The following HAP1 variants were observed in gnomAD, a reference collection of about 807,000 sequenced individuals.
HAP1 encodes huntingtin-associated protein 1.
HAP1 carries 59 observed loss-of-function variants against 60.3 expected under a neutral mutation model. The ratio of observed to expected loss-of-function variants is 0.98; its 90% CI spans 0.79 to 1.22. The LOEUF (loss-of-function observed/expected upper bound fraction) is 1.22, where lower values mean the gene tolerates loss of function less well. Ranked by LOEUF, HAP1 falls within the 50% of genes most tolerant of loss-of-function variation. The pLI, the probability that HAP1 is intolerant of heterozygous loss-of-function variation, is 0.00. For synonymous variants in HAP1, 346 were observed against 330.6 expected (o/e 1.05, Z -0.50); for missense variants, 825 against 785.3 (o/e 1.05, Z -0.60).
At chr17:41,718,208 A>C (rs1911059355), downstream of HAP1, 1 of 278,416 alleles carries the variant, frequency 3.6e-6, no homozygotes, top group African/African-American at 2.2e-5. Context: ...TTGGAAACTA[A>C]GCACGGTGGG....
intron 7 of HAP1, 110 bp downstream of exon 7, chr17:41,728,089 ACT>A: frequency 2.3e-6 from 3 of 1,286,732 alleles, no homozygotes; most frequent in Non-Finnish European, 3.3e-6. Flanking sequence ...GAGGTCTCTG[ACT>A]CTGACACAGA....
At chr17:41,725,708 G>A in intron 10 of HAP1, 151 bp downstream of exon 10, 1 of 679,738 alleles carries the variant, frequency 1.5e-6, no homozygotes, top group Non-Finnish European at 2.6e-6. Flanking sequence ...AGGAAAAGTG[G>A]GGCAGCTCCT....
At chr17:41,726,311 G>T (rs973363606) in intron 9 of HAP1, among the ~76,000 whole-genome samples, 1 of 151,978 alleles carries the variant, frequency 6.6e-6, no homozygotes, top group Non-Finnish European at 1.5e-5. Flanking sequence ...CTACTCAGGA[G>T]GCTGAGGTAG....
chr17:41,734,094 C>G, intron 1 of HAP1, 72 bp downstream of exon 1: 1 of 1,284,228 alleles, frequency 7.8e-7, no homozygotes, highest in Non-Finnish European at 1.1e-6. Flanking sequence ...GTGCCTGGAC[C>G]CGATGGGGCC....
chr17:41,724,601 T>G lies in HAP1; in HGVS notation c.*100A>C. On this transcript the variant is annotated 3_prime_UTR_variant, in exon 11 of 11. Coordinates refer to ENST00000347901, the MANE Select transcript of HAP1 (RefSeq NM_177977.3). ...GGTTCCCACTGAAGGGGATCAGAGG[T>G]GTCTATGCAAATGATATGCAAAGTC... The G allele has an allele frequency of 1.2e-6, 1 of 804,420 alleles. No homozygotes were observed. Among genetic ancestry groups the G allele is most frequent in the Non-Finnish European group, 2.0e-6 (1 of 490,918 alleles). 49.8% of individuals were successfully genotyped at this position (804,420 alleles called of 1,614,324 possible).
chr17:41,727,157 G>T lies in HAP1; in HGVS notation c.1276-13C>A. On this transcript the variant is annotated splice_polypyrimidine_tract_variant and intron_variant, in intron 8 of 10. Coordinates refer to ENST00000347901, the MANE Select transcript of HAP1 (RefSeq NM_177977.3). ...CAGGAAGAGTCTCCTATGGTGGAGA[G>T]AACAGACGTTACCAGAGGACCCCCA... 1 of 1,448,040 alleles carries T rather than the reference G, an allele frequency of 6.9e-7. No individual in the cohort carries two copies. The highest frequency in any genetic ancestry group is 9.7e-7 in the Non-Finnish European group (1 of 1,029,126). The allele number at this position is 1,448,040 out of a possible 1,614,324, so 89.7% of individuals were successfully genotyped here.
rs782085626 is a variant in HAP1, at chr17:41,734,610, A to C, written c.25T>G (p.Cys9Gly). The C allele has an allele frequency of 5.3e-5, 82 of 1,553,520 alleles. No individual in the cohort carries two copies. Among genetic ancestry groups the C allele is most frequent in the Non-Finnish European group, 6.7e-5 (77 of 1,150,712 alleles). MRPKRLGR[C>G]CAGSRLGPGD... Reference sequence around the variant, plus strand: ...GGTCCGAGCCGGCTCCCCGCGCAGCACCGGCCCAACCTCTTCGGGCGCATC... The same window carrying C: ...GGTCCGAGCCGGCTCCCCGCGCAGCCCCGGCCCAACCTCTTCGGGCGCATC... The change falls in exon 1 of 11, where the codon TGC becomes GGC. Residue 9 changes from cysteine to glycine, a missense_variant. By Grantham distance (159) the Cys-to-Gly change is radical. Transcript: ENST00000347901.
chr17:41,724,828 T>G lies in HAP1; in HGVS notation c.1733A>C (p.Gln578Pro). The part of the protein sequence containing the change: ...SHLDMNYVLQ[Q>P]LANWQDAHYR... The stretch of plus-strand genomic sequence containing the variant: ...ATGGGCATCTTGCCAGTTGGCCAGC[T>G]GCTGGAGGACATAATTCATGTCCAG... The change falls in exon 11 of 11, where the codon CAG becomes CCG. Residue 578 changes from glutamine to proline, a missense_variant. Physicochemically the swap from Gln to Pro is moderately conservative, Grantham distance 76. Transcript: ENST00000347901. The G allele has an allele frequency of 6.2e-7, 1 of 1,613,416 alleles. No homozygotes were observed. Among genetic ancestry groups the G allele is most frequent in the Non-Finnish European group, 8.5e-7 (1 of 1,179,918 alleles).
At chr17:41,725,358 C>CAT (rs1286695428) in intron 10 of HAP1, among the ~76,000 whole-genome samples, 1 of 152,170 alleles carries the variant, frequency 6.6e-6, no homozygotes, top group East Asian at 1.9e-4. Context: ...ACCAACACTG[C>CAT]ATAGGCCCCA....
chr17:41,727,181 C>T, intron 8 of HAP1, 37 bp from the exon 9 acceptor site: 1 of 1,096,930 alleles, frequency 9.1e-7, no homozygotes, highest in Non-Finnish European at 1.4e-6. Flanking sequence ...AGAGGACCCC[C>T]ACAGAACCCC....
intron 10 of HAP1, 152 bp from the exon 11 acceptor site, chr17:41,725,306 AT>A (rs1911547692): frequency 1.6e-6 from 1 of 639,742 alleles, no homozygotes; most frequent in Non-Finnish European, 2.7e-6. Flanking sequence ...AAGGCTTCAA[AT>A]ACCCAGCCCA....
rs4796603 is a variant in HAP1, at chr17:41,734,463, A to T, written c.172T>A (p.Ser58Thr). 1,294,533 of 1,610,318 alleles carry T rather than the reference A, an allele frequency of 0.8. 524,322 individuals are homozygous for T. Among genetic ancestry groups the T allele is most frequent in the East Asian group, 0.88 (39,474 of 44,798 alleles). Reference sequence around the variant, plus strand: ...GTGCGGGCTTCCGAGAGGAACTGGGATCCAGAGGTGGCTCGGGATCCTACT... The same window carrying T: ...GTGCGGGCTTCCGAGAGGAACTGGGTTCCAGAGGTGGCTCGGGATCCTACT... ...QRVGSRATSG[S>T]QFLSEARTGA... Residue 58 changes from serine (S) to threonine (T), a missense_variant, in exon 1 of 11, where the codon TCC becomes ACC. By Grantham distance (58) the Ser-to-Thr change is moderately conservative. Coordinates refer to ENST00000347901, the MANE Select transcript of HAP1 (RefSeq NM_177977.3).
chr17:41,731,609 G>T, intron 5 of HAP1, 29 bp downstream of exon 5: 1 of 1,602,288 alleles, frequency 6.2e-7, no homozygotes, highest in Non-Finnish European at 8.6e-7. Context: ...CCCCCTGCTA[G>T]CAGGGACGCC....
At chr17:41,734,032 G>C in intron 1 of HAP1, 134 bp downstream of exon 1, 1 of 666,718 alleles carries the variant, frequency 1.5e-6, no homozygotes, top group Non-Finnish European at 2.5e-6. Context: ...AGACACCGCA[G>C]TGACATCGCG....
In HAP1 at chr17:41,731,982, G is replaced by A. The variant is rs1912239374; in HGVS notation, c.851C>T (p.Ala284Val). 8.3e-7 allele frequency: 1 copy of A among 1,208,904 alleles called. No individual in the cohort carries two copies. The highest frequency in any genetic ancestry group is 1.2e-6 in the Non-Finnish European group (1 of 822,238). The allele number at this position is 1,208,904 out of a possible 1,614,324, so 74.9% of individuals were successfully genotyped here. A position where few individuals can be genotyped will look rare whatever the true frequency, so the allele number is the denominator to read the frequency against. ...EAEEEQEEEE[A>V]EEDLQCAHPC... The stretch of plus-strand genomic sequence containing the variant: ...ATGAGCACACTGCAGGTCTTCCTCT[G>A]CTTCTTCTTCTTCCTGTTCCTCTTC... The change falls in exon 4 of 11, where the codon GCA becomes GTA. Residue 284 changes from alanine to valine, a missense_variant. Transcript: ENST00000347901.
At chr17:41,734,081 G>A in intron 1 of HAP1, 85 bp downstream of exon 1, 1 of 1,079,344 alleles carries the variant, frequency 9.3e-7, no homozygotes, top group Non-Finnish European at 1.3e-6. Flanking sequence ...TAGAGGGGGC[G>A]GGGTGCCTGG....
At position 41,734,229 on chromosome 17, in the gene HAP1, C is replaced by T; in HGVS notation, c.406G>A (p.Val136Ile). 1 of 1,601,022 alleles carries T rather than the reference C, an allele frequency of 6.2e-7. No homozygotes were observed. The highest frequency in any genetic ancestry group is 8.5e-7 in the Non-Finnish European group (1 of 1,170,948). The change falls in exon 1 of 11, where the codon GTT becomes ATT. Residue 136 changes from valine (V) to isoleucine (I), a missense_variant. Coordinates refer to ENST00000347901, the MANE Select transcript of HAP1 (RefSeq NM_177977.3). Reference sequence around the variant, plus strand: ...CCGGACACCCCGGGTCGCCGGCCAACGTAGGCGGCTGGCGTCTTCCAGATG... The same window carrying T: ...CCGGACACCCCGGGTCGCCGGCCAATGTAGGCGGCTGGCGTCTTCCAGATG... ...AGIWKTPAAY[V>I]GRRPGVSGPE... is the part of the protein sequence containing the mutation.
chr17:41,728,331 G>A lies in HAP1; in HGVS notation c.1070C>T (p.Ser357Leu), dbSNP rs4796693. 1,268,248 of 1,612,518 alleles carry A rather than the reference G, an allele frequency of 0.79. 501,939 individuals carry two copies. Among genetic ancestry groups the A allele is most frequent in the East Asian group, 0.88 (39,579 of 44,854 alleles). ...CTCAGCCATCTGTTGGCTGGCCTCC[G>A]CTGGGGAGGGCAGAGGACAGGTCAG... ...MLILECVEQF[S>L]EASQQMAELS... The change falls in exon 7 of 11, where the codon TCG (serine) becomes TTG (leucine). Residue 357 changes from serine (S) to leucine (L), a missense_variant and splice_region_variant. Coordinates refer to ENST00000347901, the MANE Select transcript of HAP1 (RefSeq NM_177977.3).
intron 6 of HAP1, among the ~76,000 whole-genome samples, chr17:41,730,883 A>G (rs1210822545): frequency 4.0e-5 from 6 of 151,290 alleles, no homozygotes; most frequent in Admixed American, 1.3e-4. Context: ...GCCTGCCCCA[A>G]ATAAGAGAAG....
Sources: allele counts gnomAD v4.1 joint callset (sites outside exome capture counted in the v4.1 genomes callset), GRCh38; gene constraint gnomAD v4.1.1; transcripts MANE v1.5; gene names NCBI Gene and HGNC (gene_info 2026-07-23, HGNC 2026-07-21).